Variants in APPL1 observed in about 807,000 individuals in gnomAD.
APPL1 encodes DCC-interacting protein 13-alpha.
APPL1 carries 42 observed loss-of-function variants against 106.8 expected under a neutral mutation model. The observed-to-expected ratio is 0.39, with a 90% CI of 0.31 to 0.51. The LOEUF (loss-of-function observed/expected upper bound fraction) is 0.51. Among genes scored for constraint, APPL1 ranks in the 20% least tolerant of loss-of-function variants. APPL1 has a pLI of 0.75. For synonymous variants in APPL1, 263 were observed against 281.8 expected (o/e 0.93, Z 0.67); for missense variants, 769 against 858.2 (o/e 0.90, Z 1.30).
intron 19 of APPL1, among the ~76,000 whole-genome samples, chr3:57,262,830 GTGTGT>G (rs1270986084): frequency 1.4e-5 from 2 of 138,412 alleles, no homozygotes; most frequent in Admixed American, 1.6e-4. Flanking sequence ...GTGTGTGTGT[GTGTGT>G]GTGTGTGTGT....
intron 8 of APPL1, among the ~76,000 whole-genome samples, chr3:57,246,752 G>A (rs1053685346): frequency 1.1e-4 from 16 of 151,956 alleles, no homozygotes; most frequent in Admixed American, 7.9e-4. Context: ...GCCTATAATC[G>A]AGCACTTTGG....
chr3:57,237,582 T>G, intron 3 of APPL1, 31 bp downstream of exon 3: 1 of 1,476,948 alleles, frequency 6.8e-7, no homozygotes, highest in Non-Finnish European at 9.3e-7. Context: ...AAAAGCATAA[T>G]TTTAAAAGTA....
At chr3:57,256,046 T>C (rs2060834248) in intron 13 of APPL1, among the ~76,000 whole-genome samples, 1 of 152,194 alleles carries the variant, frequency 6.6e-6, no homozygotes, top group Non-Finnish European at 1.5e-5. Context: ...TATGTGATTA[T>C]TTTTTCTAAT....
At position 57,257,354 on chromosome 3, in the gene APPL1, A is replaced by T; in HGVS notation, c.1356A>T (p.Pro452=). The T allele has an allele frequency of 6.2e-7, 1 of 1,614,076 alleles. No homozygotes were observed. The highest frequency in any genetic ancestry group is 8.5e-7 in the Non-Finnish European group (1 of 1,180,018). Residue 452 remains proline (P), a synonymous_variant, in exon 15 of 22, where the codon CCA becomes CCT. Transcript: ENST00000288266. ...ATTCTCTTGTTGCCCCAGACACCCC[A>T]ATACAGTTTGACATAATTTCTCCTG... ...SLDSLVAPDT[P]IQFDIISPVC... is the part of the protein sequence containing the mutation.
chr3:57,255,690 G>A lies in APPL1; in HGVS notation c.1153-1267G>A, dbSNP rs145279693. ...TAAAATAAATTATGAGTTTAATTAC[G>A]GAAAATCAGTGTTAACTATAGAGAA... On this transcript the variant is annotated intron_variant, in intron 13 of 21. Transcript: ENST00000288266. 9.0e-3 allele frequency among the ~76,000 whole-genome samples: 1,368 copies of A among 152,050 alleles called. 9 individuals carry two copies. Among genetic ancestry groups the A allele is most frequent in the Non-Finnish European group, 9.9e-3 (672 of 67,974 alleles).
intron 21 of APPL1, 91 bp from the exon 22 acceptor site, chr3:57,269,450 A>ATAATT: frequency 1.5e-6 from 2 of 1,347,614 alleles, no homozygotes; most frequent in Non-Finnish European, 2.0e-6. Context: ...TTATGACAGA[A>ATAATT]GAAGTGGCTC....
In APPL1 at chr3:57,269,622, A is replaced by G; in HGVS notation, c.2065A>G (p.Ser689Gly). The G allele has an allele frequency of 6.2e-7, 1 of 1,614,136 alleles. No homozygotes were observed. Among genetic ancestry groups the G allele is most frequent in the Non-Finnish European group, 8.5e-7 (1 of 1,179,994 alleles). ...TAGTGAGGGGCAGTTTGTTGTCCTT[A>G]GCAGTAGCCAGTCAGAAGAGAGTGA... ...ASSEGQFVVL[S>G]SSQSEESDLG... Residue 689 changes from serine to glycine, a missense_variant, in exon 22 of 22, where the codon AGC (serine) becomes GGC (glycine). Transcript: ENST00000288266.
Position 57,227,857 on chromosome 3 carries a change from T to TA in APPL1, c.-27_-26insA. On this transcript the variant is annotated 5_prime_UTR_variant, in exon 1 of 22. Transcript: ENST00000288266. ...GGGAGCTGTGGGCGGCAGCTGCGTCTCCTGCCACCGCCCTCCCTCCGCCAC... is the reference window on the plus strand; with the variant it reads ...GGGAGCTGTGGGCGGCAGCTGCGTCTACCTGCCACCGCCCTCCCTCCGCCAC... 1 of 1,453,574 alleles carries TA rather than the reference T, an allele frequency of 6.9e-7. No homozygotes were observed. Among genetic ancestry groups the TA allele is most frequent in the Non-Finnish European group, 9.1e-7 (1 of 1,100,092 alleles). 90.0% of individuals were successfully genotyped at this position (1,453,574 alleles called of 1,614,324 possible). A position where few individuals can be genotyped will look rare whatever the true frequency, so the allele number is the denominator to read the frequency against.
chr3:57,250,682 C>G (rs2107604115), intron 11 of APPL1, among the ~76,000 whole-genome samples: 1 of 151,926 alleles, frequency 6.6e-6, no homozygotes, highest in South Asian at 2.1e-4. Context: ...AATGGCTATT[C>G]TATAATCTAT....
chr3:57,251,371 A>G (rs909995425), intron 11 of APPL1, among the ~76,000 whole-genome samples: 2 of 151,574 alleles, frequency 1.3e-5, no homozygotes, highest in African/African-American at 4.8e-5. Context: ...TAAAAATACA[A>G]AAATTATCTG....
chr3:57,262,568 T>C (rs2060872477), intron 19 of APPL1, among the ~76,000 whole-genome samples: 2 of 151,268 alleles, frequency 1.3e-5, no homozygotes, highest in African/African-American at 4.9e-5. Context: ...ATTTTTTTAG[T>C]AGAGACAGGA....
chr3:57,246,239 A>G lies in APPL1; in HGVS notation c.621+17A>G, dbSNP rs371852342. ...CAAGCTCAGGTAAATACTGTACTGT[A>G]TTTGGATTATAACTGTCCTAAAAGT... On this transcript the variant is annotated intron_variant, in intron 8 of 21. Transcript: ENST00000288266. The G allele has an allele frequency of 1.0e-5, 16 of 1,549,538 alleles. No individual in the cohort carries two copies. Among genetic ancestry groups the G allele is most frequent in the Non-Finnish European group, 1.4e-5 (16 of 1,153,148 alleles).
At chr3:57,253,830 T>G (rs1358893040) in intron 13 of APPL1, 92 bp downstream of exon 13, 4 of 1,137,558 alleles carry the variant, frequency 3.5e-6, no homozygotes, top group Non-Finnish European at 2.3e-6. Flanking sequence ...TCTCAGGTTC[T>G]GTAATTTTTT....
At position 57,228,692 on chromosome 3, in the gene APPL1, AAT is replaced by A. The variant is rs1336221207; in HGVS notation, c.54+758_54+759del. Among the ~76,000 whole-genome samples, 1 of 152,256 alleles carries A rather than the reference AAT, an allele frequency of 6.6e-6. No individual in the cohort carries two copies. The highest frequency in any genetic ancestry group is 1.5e-5 in the Non-Finnish European group (1 of 68,042). On this transcript the variant is annotated intron_variant, in intron 1 of 21. Transcript: ENST00000288266. The surrounding 1 kb of genome is among the most constrained non-coding windows in gnomAD (Gnocchi z 4.6). Reference sequence around the variant, plus strand: ...ACAGTTTTGGAAAATGTAACCATTTAATATGTTTTCAGTACTGCAGAATGAAA... The same window carrying A: ...ACAGTTTTGGAAAATGTAACCATTTAATGTTTTCAGTACTGCAGAATGAAA...
In APPL1 at chr3:57,234,472, G is replaced by A. The variant is rs190033538; in HGVS notation, c.55-1094G>A. Among the ~76,000 whole-genome samples, 12 of 150,980 alleles carry A rather than the reference G, an allele frequency of 7.9e-5. No homozygotes were observed. The East Asian group carries it at 2.2e-3, about 27-fold the overall frequency. On this transcript the variant is annotated intron_variant, in intron 1 of 21. Transcript: ENST00000288266. ...GCCACCATGCCTGGATAATTTTTTT[G>A]TATTTTTAGTAGAGATGGGGTTTCA...
chr3:57,269,711 C>G lies in APPL1; in HGVS notation c.*24C>G. Reference sequence around the variant, plus strand: ...AAGCTTATACTTTTGGTAGATATTCCCCCTTGGAATTTGACAGTTTCTATG... The same window carrying G: ...AAGCTTATACTTTTGGTAGATATTCGCCCTTGGAATTTGACAGTTTCTATG... On this transcript the variant is annotated 3_prime_UTR_variant, in exon 22 of 22. Coordinates refer to ENST00000288266, the MANE Select transcript of APPL1 (RefSeq NM_012096.3). The G allele has an allele frequency of 2.5e-6, 4 of 1,610,678 alleles. No homozygotes were observed. Among genetic ancestry groups the G allele is most frequent in the Non-Finnish European group, 3.4e-6 (4 of 1,177,842 alleles).
Position 57,273,418 on chromosome 3 carries a change from AT to A in APPL1, c.*3737del, listed in dbSNP as rs950108565. 3.9e-5 allele frequency: 6 copies of A among 152,600 alleles called. No individual in the cohort carries two copies. Among genetic ancestry groups the A allele is most frequent in the African/African-American group, 1.4e-4 (6 of 41,440 alleles). The allele number at this position is 152,600 out of a possible 1,614,324, so 9.5% of individuals were successfully genotyped here. A position where few individuals can be genotyped will look rare whatever the true frequency, so the allele number is the denominator to read the frequency against. ...GCTTCAGGAAAAAAGTTGTTAGAAG[AT>A]TTTTTAATGTATAATAAAGTCCATG... is the stretch of plus-strand genomic sequence containing the variant. On this transcript the variant is annotated 3_prime_UTR_variant, in exon 22 of 22. Transcript: ENST00000288266.
At chr3:57,231,258 G>A (rs1330181134) in intron 1 of APPL1, among the ~76,000 whole-genome samples, 1 of 139,562 alleles carries the variant, frequency 7.2e-6, no homozygotes, top group Non-Finnish European at 1.5e-5. Flanking sequence ...AGAATCACTT[G>A]AACCCGGGAG....
At chr3:57,238,606 C>T (rs944972051) in intron 4 of APPL1, among the ~76,000 whole-genome samples, 1 of 152,178 alleles carries the variant, frequency 6.6e-6, no homozygotes, top group Non-Finnish European at 1.5e-5. Flanking sequence ...GTTAACTGTT[C>T]TCTACTGTTG....
Sources: allele counts gnomAD v4.1 joint callset (sites outside exome capture counted in the v4.1 genomes callset), GRCh38; gene constraint gnomAD v4.1.1; non-coding constraint Gnocchi (gnomAD v3.1); transcripts MANE v1.5; gene names NCBI Gene and HGNC (gene_info 2026-07-23, HGNC 2026-07-21).